MAML3: variants seen among roughly 807,000 people sequenced by gnomAD.
The protein encoded by MAML3 is mastermind like transcriptional coactivator 3.
Under a neutral mutation model 101.9 loss-of-function variants are expected in MAML3, and 27 were observed. The ratio of observed to expected loss-of-function variants is 0.27; its 90% CI spans 0.20 to 0.37. The LOEUF (loss-of-function observed/expected upper bound fraction) is 0.37, where lower values mean the gene tolerates loss of function less well. MAML3 is among the 10% of genes least tolerant of loss of function. The pLI is 1.00. For synonymous variants in MAML3, 501 were observed against 555.9 expected (o/e 0.90, Z 1.39); for missense variants, 1,316 against 1,444.9 (o/e 0.91, Z 1.45).
chr4:140,140,525 A>T (rs1443497848), intron 1 of MAML3, among the ~76,000 whole-genome samples: 1 of 152,164 alleles, frequency 6.6e-6, no homozygotes, highest in East Asian at 1.9e-4. Context: ...CAGTGAGCAC[A>T]TAGCTGCATT....
chr4:140,104,548 T>C (rs1242756175), intron 1 of MAML3, among the ~76,000 whole-genome samples: 1 of 147,312 alleles, frequency 6.8e-6, no homozygotes, highest in African/African-American at 2.5e-5. Context: ...TCTCAGTTCA[T>C]TGCAACCTCC....
intron 2 of MAML3, among the ~76,000 whole-genome samples, chr4:139,800,130 T>A (rs915498895): frequency 1.3e-5 from 2 of 152,194 alleles, no homozygotes; most frequent in African/African-American, 4.8e-5. Context: ...TCAGACTGTT[T>A]TTTTCAGACC....
chr4:139,835,407 C>T (rs1009413930), intron 2 of MAML3, among the ~76,000 whole-genome samples: 6 of 152,132 alleles, frequency 3.9e-5, no homozygotes, highest in Non-Finnish European at 5.9e-5. Flanking sequence ...TGAGGCGTCC[C>T]GAGGCTGATT....
intron 2 of MAML3, among the ~76,000 whole-genome samples, chr4:139,741,053 G>A (rs1334390688): frequency 6.6e-6 from 1 of 152,202 alleles, no homozygotes; most frequent in Non-Finnish European, 1.5e-5. Flanking sequence ...GAGGCTCTGA[G>A]AGGAGGGCTA....
intron 1 of MAML3, among the ~76,000 whole-genome samples, chr4:139,976,611 A>T (rs1734342547): frequency 6.6e-6 from 1 of 152,248 alleles, no homozygotes; most frequent in South Asian, 2.1e-4. Flanking sequence ...TCTCAAGTAC[A>T]GTTGAGAAGC....
At chr4:139,792,870 A>G (rs940032425) in intron 2 of MAML3, among the ~76,000 whole-genome samples, 5 of 150,464 alleles carry the variant, frequency 3.3e-5, no homozygotes, top group Non-Finnish European at 3.0e-5. Context: ...TCAGCCTCCC[A>G]AGTAACTGGG....
intron 1 of MAML3, among the ~76,000 whole-genome samples, chr4:139,998,370 CTTA>C (rs1471893438): frequency 2.0e-5 from 3 of 152,042 alleles, no homozygotes; most frequent in Non-Finnish European, 2.9e-5. Context: ...TTTCTGTTTT[CTTA>C]TTAAGATTCT....
At chr4:139,744,410 C>T (rs1039258343) in intron 2 of MAML3, among the ~76,000 whole-genome samples, 16 of 152,134 alleles carry the variant, frequency 1.1e-4, no homozygotes, top group Non-Finnish European at 2.2e-4. Flanking sequence ...TGATATACCA[C>T]CCCCCAGGAG....
At chr4:139,907,209 A>T (rs1391539261) in intron 1 of MAML3, among the ~76,000 whole-genome samples, 1 of 152,248 alleles carries the variant, frequency 6.6e-6, no homozygotes, top group African/African-American at 2.4e-5. Flanking sequence ...AAAGCACAGT[A>T]ACTAAAGAAA....
At chr4:140,093,649 C>T (rs572560428) in intron 1 of MAML3, among the ~76,000 whole-genome samples, 3 of 151,974 alleles carry the variant, frequency 2.0e-5, no homozygotes, top group Non-Finnish European at 1.5e-5. Context: ...AGGATGGTCT[C>T]GATCTCCTGA....
At chr4:140,074,418 A>G (rs1430440289) in intron 1 of MAML3, among the ~76,000 whole-genome samples, 1 of 152,144 alleles carries the variant, frequency 6.6e-6, no homozygotes, top group Non-Finnish European at 1.5e-5. Context: ...AGGGTCAGCT[A>G]ACAGCAACAG....
intron 2 of MAML3, among the ~76,000 whole-genome samples, chr4:139,750,455 C>A (rs536240048): frequency 2.0e-5 from 3 of 152,290 alleles, no homozygotes; most frequent in Admixed American, 6.5e-5. Flanking sequence ...CTAGAAATGG[C>A]CTTTGGTGCA....
intron 2 of MAML3, among the ~76,000 whole-genome samples, chr4:139,741,865 A>T (rs1025745641): frequency 1.3e-5 from 2 of 152,222 alleles, no homozygotes; most frequent in Admixed American, 1.3e-4. Context: ...TGTATTTTTT[A>T]AAATAAAAAC....
chr4:139,953,053 T>A (rs1057016974), intron 1 of MAML3, among the ~76,000 whole-genome samples: 1 of 152,206 alleles, frequency 6.6e-6, no homozygotes, highest in Non-Finnish European at 1.5e-5. Flanking sequence ...CACTAAGTGA[T>A]GTCAGAGGGA....
At chr4:139,769,758 G>A (rs1018605197) in intron 2 of MAML3, among the ~76,000 whole-genome samples, 2 of 152,062 alleles carry the variant, frequency 1.3e-5, no homozygotes, top group Non-Finnish European at 2.9e-5. Context: ...TGCAATTACA[G>A]GCATGTGCCA....
At chr4:140,042,218 C>T (rs1394387321) in intron 1 of MAML3, among the ~76,000 whole-genome samples, 2 of 152,200 alleles carry the variant, frequency 1.3e-5, no homozygotes, top group Non-Finnish European at 2.9e-5. Context: ...AATGCAAAAG[C>T]TATGCTCGCT....
intron 2 of MAML3, among the ~76,000 whole-genome samples, chr4:139,765,689 A>G (rs930239064): frequency 2.0e-5 from 3 of 152,188 alleles, no homozygotes; most frequent in Admixed American, 1.3e-4. Context: ...TTTTCCACCA[A>G]TGAAGAATGA....
At chr4:140,042,733 G>A (rs979700840) in intron 1 of MAML3, among the ~76,000 whole-genome samples, 8 of 152,168 alleles carry the variant, frequency 5.3e-5, no homozygotes, top group African/African-American at 1.7e-4. Context: ...ACAGTGTTGC[G>A]GGGATTTGGC....
intron 1 of MAML3, among the ~76,000 whole-genome samples, chr4:140,092,120 G>GTATATATATATATACGTA (rs59773240): frequency 0.013 from 1,702 of 133,604 alleles, 20 homozygotes; most frequent in Non-Finnish European, 0.021. Flanking sequence ...ATATATATAC[G>GTATATATATATATACGTA]TATATATATA....
Sources: allele counts gnomAD v4.1 joint callset (sites outside exome capture counted in the v4.1 genomes callset), GRCh38; gene constraint gnomAD v4.1.1; transcripts MANE v1.5; gene names NCBI Gene and HGNC (gene_info 2026-07-23, HGNC 2026-07-21).